Variants in SDK1 observed in about 807,000 individuals in gnomAD.
SDK1 encodes the protein protein sidekick-1.
SDK1 carries 157 observed loss-of-function variants against 245.5 expected under a neutral mutation model. That is an observed-to-expected ratio of 0.64 (90% CI 0.56 to 0.73). SDK1 has a LOEUF of 0.73. SDK1 is among the 30% of genes least tolerant of loss of function. SDK1 has a pLI of 0.00. For synonymous variants in SDK1, 1,647 were observed against 1,278.5 expected (o/e 1.29, Z -6.15); for missense variants, 3,583 against 3,002.3 (o/e 1.19, Z -4.52).
At chr7:3,584,976 G>A (rs532508102) in intron 1 of SDK1, among the ~76,000 whole-genome samples, 3 of 151,966 alleles carry the variant, frequency 2.0e-5, no homozygotes, top group Non-Finnish European at 4.4e-5. Flanking sequence ...TGCCCTCCTC[G>A]GCCTCCCAAA....
chr7:3,896,048 G>A (rs1781596863), intron 5 of SDK1, among the ~76,000 whole-genome samples: 2 of 152,114 alleles, frequency 1.3e-5, no homozygotes, highest in African/African-American at 4.8e-5. Context: ...TTTGTATTTT[G>A]CTGTTGTTGG....
chr7:3,387,262 C>A (rs79315821), intron 1 of SDK1, among the ~76,000 whole-genome samples: 1 of 152,102 alleles, frequency 6.6e-6, no homozygotes, highest in Non-Finnish European at 1.5e-5. Flanking sequence ...GCATAGAGCA[C>A]CTTTAATAGC....
chr7:3,917,391 C>T (rs373523206), intron 5 of SDK1, among the ~76,000 whole-genome samples: 46 of 152,188 alleles, frequency 3.0e-4, no homozygotes, highest in East Asian at 2.5e-3. Context: ...CCAGGGTAGA[C>T]GGGAAGCCTC....
chr7:3,828,422 A>G (rs149931128), intron 5 of SDK1, among the ~76,000 whole-genome samples: 7 of 152,140 alleles, frequency 4.6e-5, no homozygotes, highest in Admixed American at 2.0e-4. Flanking sequence ...AATTTTATCT[A>G]TGAAAAAGAA....
Position 3,999,911 on chromosome 7 carries a change from C to G in SDK1, c.2132-11055C>G, listed in dbSNP as rs1051524875. Reference sequence around the variant, plus strand: ...GATGCCTGCGAGGGACAGAGAGGGACCAAATGATGCCAGACCCGAGTCTTG... The same window carrying G: ...GATGCCTGCGAGGGACAGAGAGGGAGCAAATGATGCCAGACCCGAGTCTTG... On this transcript the variant is annotated intron_variant, in intron 14 of 44. Transcript: ENST00000404826. 3.3e-5 allele frequency among the ~76,000 whole-genome samples: 5 copies of G among 152,082 alleles called. No individual in the cohort carries two copies. The South Asian group carries it at 8.3e-4, about 25-fold the overall frequency.
chr7:3,743,176 A>G (rs984747521), intron 4 of SDK1, among the ~76,000 whole-genome samples: 6 of 152,218 alleles, frequency 3.9e-5, no homozygotes, highest in Admixed American at 3.3e-4. Flanking sequence ...AAGTCTCAAT[A>G]TAGAGGTAAG....
chr7:4,049,480 C>T lies in SDK1; in HGVS notation c.2718+17C>T, dbSNP rs1789278569. On this transcript the variant is annotated intron_variant, in intron 18 of 44. Coordinates refer to ENST00000404826, the MANE Select transcript of SDK1 (RefSeq NM_152744.4). ...GGATACAAGGTACGTGGCCTGGGTT[C>T]AGGGCCTGTGGGCAGCTGTCATTGT... The T allele has an allele frequency of 5.7e-6, 9 of 1,580,930 alleles. No individual in the cohort carries two copies. Among genetic ancestry groups the T allele is most frequent in the Non-Finnish European group, 7.8e-6 (9 of 1,149,874 alleles).
At chr7:3,530,572 C>G (rs1783307836) in intron 1 of SDK1, among the ~76,000 whole-genome samples, 1 of 152,038 alleles carries the variant, frequency 6.6e-6, no homozygotes. Context: ...ATAGAATGAA[C>G]AACAGAAGGA....
chr7:3,705,938 C>G (rs189879923), intron 4 of SDK1, among the ~76,000 whole-genome samples: 51 of 152,148 alleles, frequency 3.4e-4, no homozygotes, highest in African/African-American at 1.2e-3. Context: ...TGAGGTAAGT[C>G]CCATCTATGC....
chr7:3,764,289 A>T (rs1780187625), intron 4 of SDK1, among the ~76,000 whole-genome samples: 1 of 152,158 alleles, frequency 6.6e-6, no homozygotes, highest in African/African-American at 2.4e-5. Flanking sequence ...AACTTGATCT[A>T]AGGCGGTATT....
chr7:3,584,539 A>G (rs746750056), intron 1 of SDK1, among the ~76,000 whole-genome samples: 4 of 152,142 alleles, frequency 2.6e-5, no homozygotes, highest in East Asian at 1.9e-4. Context: ...ACCTTTATCA[A>G]TGGGAACCAG....
At chr7:3,373,568 G>C (rs1477982525) in intron 1 of SDK1, among the ~76,000 whole-genome samples, 1 of 152,006 alleles carries the variant, frequency 6.6e-6, no homozygotes, top group Non-Finnish European at 1.5e-5. Context: ...ATTTATGACA[G>C]TGAAACCCTA....
At chr7:3,514,975 C>T (rs1178545678) in intron 1 of SDK1, among the ~76,000 whole-genome samples, 1 of 152,140 alleles carries the variant, frequency 6.6e-6, no homozygotes, top group Non-Finnish European at 1.5e-5. Context: ...CACTTGGGCC[C>T]TTTTCTCTGC....
At chr7:3,918,662 C>T (rs572568939) in intron 5 of SDK1, among the ~76,000 whole-genome samples, 24 of 152,266 alleles carry the variant, frequency 1.6e-4, no homozygotes, top group African/African-American at 5.1e-4. Flanking sequence ...ATCCCCCCGA[C>T]ATTGGTAGAA....
intron 4 of SDK1, among the ~76,000 whole-genome samples, chr7:3,754,804 AAAT>A (rs748706075): frequency 6.6e-6 from 1 of 152,228 alleles, no homozygotes; most frequent in Non-Finnish European, 1.5e-5. Flanking sequence ...GCTAGTGTGG[AAAT>A]AATGATGGCG....
intron 1 of SDK1, among the ~76,000 whole-genome samples, chr7:3,443,798 T>C (rs1780264770): frequency 6.6e-6 from 1 of 152,224 alleles, no homozygotes; most frequent in Non-Finnish European, 1.5e-5. Context: ...TTCTTTCTTA[T>C]AAATGTATTG....
rs746369052 is a variant in SDK1, at chr7:4,210,073, C to T, written c.5450C>T (p.Thr1817Met). ...GCGTTCTCAGAAATAACCTCCACCA[C>T]GCTCAACGTGTCCTGGGGCGAGCCT... ...FLAFSEITST[T>M]LNVSWGEPAA... The change falls in exon 38 of 45, where the codon ACG (threonine) becomes ATG (methionine). Residue 1817 changes from threonine to methionine, a missense_variant. Thr to Met is a moderately conservative substitution (Grantham distance 81). Coordinates refer to ENST00000404826, the MANE Select transcript of SDK1 (RefSeq NM_152744.4). The T allele has an allele frequency of 2.4e-5, 39 of 1,609,090 alleles. No homozygotes were observed. The highest frequency in any genetic ancestry group is 2.0e-4 in the East Asian group (9 of 44,742).
chr7:3,356,922 G>A (rs1367380248), intron 1 of SDK1, among the ~76,000 whole-genome samples: 1 of 150,876 alleles, frequency 6.6e-6, no homozygotes, highest in African/African-American at 2.5e-5. Flanking sequence ...GGGCATGGTG[G>A]TGCGTGCTTC....
chr7:3,854,047 A>T (rs1307920481), intron 5 of SDK1, among the ~76,000 whole-genome samples: 3 of 152,186 alleles, frequency 2.0e-5, no homozygotes, highest in Non-Finnish European at 4.4e-5. Flanking sequence ...AGGGATGCTC[A>T]ACCTGTATTT....
Sources: allele counts gnomAD v4.1 joint callset (sites outside exome capture counted in the v4.1 genomes callset), GRCh38; gene constraint gnomAD v4.1.1; transcripts MANE v1.5; gene names NCBI Gene and HGNC (gene_info 2026-07-23, HGNC 2026-07-21).